THSD4: variants seen among roughly 807,000 people sequenced by gnomAD.
The protein encoded by THSD4 is thrombospondin type-1 domain-containing protein 4.
In THSD4, 69 loss-of-function variants were observed where a neutral mutation model predicts 119.0. The ratio of observed to expected loss-of-function variants is 0.58; its 90% CI spans 0.48 to 0.71. THSD4 has a LOEUF of 0.71. THSD4 is among the 30% of genes least tolerant of loss of function. The probability of loss-of-function intolerance (pLI) is 0.00; values close to 1 mark genes in which losing one functional copy is unlikely to be tolerated. For missense variants in THSD4, 1,393 were observed against 1,391.1 expected, an observed-to-expected ratio of 1.00 and a Z score of -0.02; for synonymous variants, 524 against 540.4, an observed-to-expected ratio of 0.97 and a Z score of 0.42.
intron 3 of THSD4, 38 bp from the exon 4 acceptor site, chr15:71,214,997 C>T (rs1030077419): frequency 2.1e-5 from 26 of 1,237,322 alleles, no homozygotes; most frequent in Non-Finnish European, 2.6e-5. Flanking sequence ...AAGAGAGGAG[C>T]GGTGTTCTGG....
intron 1 of THSD4, among the ~76,000 whole-genome samples, chr15:71,108,380 T>C: frequency 6.6e-6 from 1 of 152,236 alleles, no homozygotes; most frequent in East Asian, 1.9e-4. Context: ...CCCACAAGGC[T>C]TCTTCTTAAC....
intron 6 of THSD4, among the ~76,000 whole-genome samples, chr15:71,395,914 G>GAGAGACACACACACAC (rs535919434): frequency 4.5e-5 from 6 of 133,296 alleles, no homozygotes; most frequent in African/African-American, 1.7e-4. Flanking sequence ...TTTGAAGAGA[G>GAGAGACACACACACAC]ACACACACAC....
chr15:71,723,170 A>T (rs1186856056), intron 8 of THSD4, among the ~76,000 whole-genome samples: 1 of 151,870 alleles, frequency 6.6e-6, no homozygotes, highest in South Asian at 2.1e-4. Context: ...GTAGTTTCCT[A>T]GAAGTAGAGT....
intron 6 of THSD4, among the ~76,000 whole-genome samples, chr15:71,260,599 G>A (rs116847412): frequency 7.3e-4 from 111 of 152,294 alleles, no homozygotes; most frequent in Non-Finnish European, 1.4e-3. Context: ...AATGCAAGAG[G>A]TGGCCTGGGA....
intron 3 of THSD4, among the ~76,000 whole-genome samples, chr15:71,201,695 G>C (rs907252115): frequency 6.6e-6 from 1 of 152,210 alleles, no homozygotes; most frequent in Non-Finnish European, 1.5e-5. Context: ...GAGAGTGTTT[G>C]CATTTGCACA....
At chr15:71,736,864 T>C (rs1412180744) in intron 10 of THSD4, among the ~76,000 whole-genome samples, 2 of 152,240 alleles carry the variant, frequency 1.3e-5, no homozygotes, top group African/African-American at 4.8e-5. Flanking sequence ...AGGACTTGGC[T>C]ACTCTTTCAA....
At chr15:71,163,674 A>T (rs1236806157) in intron 3 of THSD4, among the ~76,000 whole-genome samples, 1 of 151,682 alleles carries the variant, frequency 6.6e-6, no homozygotes, top group Non-Finnish European at 1.5e-5. Flanking sequence ...TGAATGTGGC[A>T]TCTTTGTTTG....
chr15:71,555,006 C>CA (rs1234496709), intron 7 of THSD4, among the ~76,000 whole-genome samples: 1 of 152,166 alleles, frequency 6.6e-6, no homozygotes, highest in Admixed American at 6.5e-5. Flanking sequence ...CCTTGAAAGA[C>CA]AACCATCACC....
chr15:71,595,025 T>G (rs1000217705), intron 7 of THSD4, among the ~76,000 whole-genome samples: 1 of 152,134 alleles, frequency 6.6e-6, no homozygotes, highest in African/African-American at 2.4e-5. Flanking sequence ...AGTGGTGATA[T>G]GGTATAAACA....
intron 16 of THSD4, among the ~76,000 whole-genome samples, chr15:71,765,790 C>CTGTGTG (rs59012463): frequency 0.029 from 4,211 of 146,282 alleles, 70 homozygotes; most frequent in Non-Finnish European, 0.042. Flanking sequence ...CACACACTCT[C>CTGTGTG]TGTGTGTGTG....
At position 71,747,901 on chromosome 15, in the gene THSD4, A is replaced by G. The variant is rs574349598; in HGVS notation, c.2242-520A>G. Among the ~76,000 whole-genome samples the G allele has an allele frequency of 5.3e-5, 8 of 152,352 alleles. No homozygotes were observed. In the South Asian group the frequency reaches 1.5e-3, roughly 28 times the overall value. On this transcript the variant is annotated intron_variant, in intron 13 of 17. Transcript: ENST00000261862. ...AATCCTAAGACCTTCTTCCCAGGCA[A>G]CTTAGAACATAGTTTATTCTTCAAG...
intron 4 of THSD4, among the ~76,000 whole-genome samples, chr15:71,232,175 G>A (rs1184797668): frequency 6.6e-6 from 1 of 152,148 alleles, no homozygotes; most frequent in East Asian, 1.9e-4. Context: ...GCCACTGGCT[G>A]CTGATCTAAT....
At chr15:71,300,477 T>C (rs1374231019) in intron 6 of THSD4, among the ~76,000 whole-genome samples, 1 of 152,218 alleles carries the variant, frequency 6.6e-6, no homozygotes, top group Non-Finnish European at 1.5e-5. Flanking sequence ...ATAGTTTGAT[T>C]GCTGATTGTG....
At chr15:71,280,653 T>A (rs1441855106) in intron 6 of THSD4, among the ~76,000 whole-genome samples, 3 of 152,048 alleles carry the variant, frequency 2.0e-5, no homozygotes, top group Non-Finnish European at 2.9e-5. Flanking sequence ...TCTTTCATTG[T>A]TTCTCCTGGT....
intron 7 of THSD4, among the ~76,000 whole-genome samples, chr15:71,506,454 C>G (rs189967455): frequency 3.3e-5 from 5 of 152,296 alleles, no homozygotes; most frequent in Non-Finnish European, 5.9e-5. Flanking sequence ...GTAAATTTGT[C>G]TCCAGAGACT....
intron 7 of THSD4, among the ~76,000 whole-genome samples, chr15:71,511,772 GC>G (rs1464888565): frequency 6.6e-6 from 1 of 152,128 alleles, no homozygotes; most frequent in Non-Finnish European, 1.5e-5. Flanking sequence ...GCGCACCTGG[GC>G]TCCTCCTGGC....
chr15:71,151,534 A>G (rs2040722505), intron 2 of THSD4, among the ~76,000 whole-genome samples: 1 of 152,190 alleles, frequency 6.6e-6, no homozygotes, highest in African/African-American at 2.4e-5. Context: ...TACAATTCCC[A>G]TTTTACAGAT....
At chr15:71,651,647 C>CT (rs35956806) in intron 7 of THSD4, among the ~76,000 whole-genome samples, 173 of 148,902 alleles carry the variant, frequency 1.2e-3, no homozygotes, top group Middle Eastern at 6.9e-3. Context: ...TTTCACCCAC[C>CT]TTTTTTTTTT....
At position 71,779,662 on chromosome 15, in the gene THSD4, T is replaced by G. The variant is rs974046033; in HGVS notation, c.*2288T>G. ...CAGGAATTCTCGTGGCTGGGCTGGGTCAGTGATGGCTTTGTCTCTTTATGT... is the reference window on the plus strand; with the variant it reads ...CAGGAATTCTCGTGGCTGGGCTGGGGCAGTGATGGCTTTGTCTCTTTATGT... On this transcript the variant is annotated 3_prime_UTR_variant, in exon 18 of 18. Transcript: ENST00000261862. 2.0e-5 allele frequency: 3 copies of G among 152,230 alleles called. No homozygotes were observed. The highest frequency in any genetic ancestry group is 2.0e-4 in the Admixed American group (3 of 15,278). 9.4% of individuals were successfully genotyped at this position (152,230 alleles called of 1,614,324 possible).
Sources: gnomAD v4.1 joint callset for allele counts (sites outside exome capture counted in the v4.1 genomes callset) on GRCh38, gnomAD v4.1.1 for gene constraint, MANE v1.5 for transcripts, NCBI Gene and HGNC (gene_info 2026-07-23, HGNC 2026-07-21) for gene names.